The following DVL1 variants were observed in gnomAD, a reference collection of about 807,000 sequenced individuals.
The protein encoded by DVL1 is segment polarity protein dishevelled homolog DVL-1.
A neutral mutation model predicts 65.0 loss-of-function variants in DVL1; 49 were observed. That is an observed-to-expected ratio of 0.75 (90% CI 0.60 to 0.96). The LOEUF (loss-of-function observed/expected upper bound fraction) is 0.96, where lower values mean the gene tolerates loss of function less well. Among genes scored for constraint, DVL1 ranks in the 40% least tolerant of loss-of-function variants. The pLI is 0.00. For synonymous variants in DVL1, 608 were observed against 433.9 expected (o/e 1.40, Z -4.99); for missense variants, 1,197 against 1,045.4 (o/e 1.15, Z -2.00).
chr1:1,339,239 C>T (rs1383726659), intron 11 of DVL1, 48 bp downstream of exon 11: 1 of 1,546,922 alleles, frequency 6.5e-7, no homozygotes, highest in South Asian at 1.2e-5. Flanking sequence ...CAGAGACGCC[C>T]CCTCCAAGCC....
rs767693311 is a variant in DVL1 at position 1,338,080 on chromosome 1, G to A, written c.1611C>T (p.Gly537=). Residue 537 remains glycine, a synonymous_variant, in exon 14 of 15, where the codon GGC becomes GGT. Transcript: ENST00000378888. ...HPAAPWPLGQ[G]YPYQYPGPPP... The stretch of plus-strand genomic sequence containing the variant: ...GGGGTCCCGGGTACTGGTAGGGGTA[G>A]CCCTGACCCAGAGGCCAGGGGGCAG... 1 of 1,610,568 alleles carries A rather than the reference G, an allele frequency of 6.2e-7. No individual in the cohort carries two copies. Among genetic ancestry groups the A allele is most frequent in the Admixed American group, 1.7e-5 (1 of 59,852 alleles).
At chr1:1,344,818 G>A (rs1643893874) in intron 1 of DVL1, among the ~76,000 whole-genome samples, 1 of 152,164 alleles carries the variant, frequency 6.6e-6, no homozygotes, top group Non-Finnish European at 1.5e-5. Flanking sequence ...AGGGCCCACA[G>A]TGAGCCCTTG....
intron 2 of DVL1, 21 bp from the exon 3 acceptor site, chr1:1,342,505 C>T (rs753844493): frequency 1.2e-6 from 2 of 1,606,584 alleles, no homozygotes; most frequent in Admixed American, 3.4e-5. Flanking sequence ...AGCAGGCATG[C>T]TCAGGGGAGC....
chr1:1,342,420 A>G lies in DVL1; in HGVS notation c.305T>C (p.Leu102Pro). 2 of 1,595,378 alleles carry G rather than the reference A, an allele frequency of 1.3e-6. No homozygotes were observed. Among genetic ancestry groups the G allele is most frequent in the Non-Finnish European group, 1.7e-6 (2 of 1,171,148 alleles). ...GSQGTDSHTD[L>P]PPPLERTGGI... ...GCCTGTCCGCTCAAGAGGCGGGGGC[A>G]GGTCTGTGTGGCTGTCCGTGCCCTG... is the stretch of plus-strand genomic sequence containing the variant. Residue 102 changes from leucine to proline, a missense_variant, in exon 3 of 15, where the codon CTG (leucine) becomes CCG (proline). Leu to Pro is a moderately conservative substitution (Grantham distance 98). Coordinates refer to ENST00000378888, the MANE Select transcript of DVL1 (RefSeq NM_001330311.2).
intron 1 of DVL1, among the ~76,000 whole-genome samples, chr1:1,348,654 G>A (rs1408559445): frequency 1.3e-5 from 2 of 152,188 alleles, no homozygotes; most frequent in Non-Finnish European, 2.9e-5. Context: ...GCAGGACTCG[G>A]GGCCGGGAAG....
intron 5 of DVL1, among the ~76,000 whole-genome samples, chr1:1,340,886 C>T (rs922841554): frequency 1.4e-5 from 2 of 147,692 alleles, no homozygotes; most frequent in Admixed American, 6.8e-5. Flanking sequence ...CACATGCACA[C>T]CCCTGCACAC....
rs1436265238 is a variant in DVL1, at chr1:1,338,186, G to A, written c.1508-3C>T. 6.2e-7 allele frequency: 1 copy of A among 1,600,750 alleles called. No individual in the cohort carries two copies. Among genetic ancestry groups the A allele is most frequent in the South Asian group, 1.1e-5 (1 of 89,464 alleles). On this transcript the variant is annotated splice_polypyrimidine_tract_variant and splice_region_variant and intron_variant, in intron 13 of 14. Coordinates refer to ENST00000378888, the MANE Select transcript of DVL1 (RefSeq NM_001330311.2). ...GTTGAGGTTCAGGGTGGCGAGATCT[G>A]GCGGGGGAGGGTAGGTGAGGGCCGC...
rs1317444328 is a variant in DVL1 at position 1,349,256 on chromosome 1, G to T, written c.-191C>A. ...CGCCCCCGGCTCCCGCGCGCGTCCC[G>T]ACTGCTGCCCCGCGGCCCGCGGCCG... On this transcript the variant is annotated 5_prime_UTR_variant, in exon 1 of 15. Transcript: ENST00000378888. The surrounding 1 kb of genome is among the most constrained non-coding windows in gnomAD (Gnocchi z 4.1). 1.2e-5 allele frequency: 2 copies of T among 173,560 alleles called. No individual in the cohort carries two copies. Among genetic ancestry groups the T allele is most frequent in the South Asian group, 3.5e-4 (2 of 5,720 alleles). 10.8% of individuals were successfully genotyped at this position (173,560 alleles called of 1,614,324 possible).
At position 1,349,276 on chromosome 1, in the gene DVL1, C is replaced by T; in HGVS notation, c.-211G>A. 6.4e-6 allele frequency: 1 copy of T among 155,938 alleles called. No homozygotes were observed. The highest frequency in any genetic ancestry group is 1.3e-5 in the Non-Finnish European group (1 of 74,796). The allele number at this position is 155,938 out of a possible 1,614,324, so 9.7% of individuals were successfully genotyped here. ...GTCCCGACTGCTGCCCCGCGGCCCG[C>T]GGCCGCCCATCCGCCCCCGGCCCGG... On this transcript the variant is annotated 5_prime_UTR_variant, in exon 1 of 15. Coordinates refer to ENST00000378888, the MANE Select transcript of DVL1 (RefSeq NM_001330311.2). This position sits in a 1 kb window ranked among gnomAD's most constrained non-coding sequence, Gnocchi z 4.1.
At chr1:1,342,303 G>A in intron 3 of DVL1, 60 bp downstream of exon 3, 4 of 1,511,550 alleles carry the variant, frequency 2.6e-6, no homozygotes, top group South Asian at 1.2e-5. Context: ...CTCCCCTGTT[G>A]GCCAGCAACC....
intron 13 of DVL1, 40 bp downstream of exon 13, chr1:1,338,229 T>TGGCCCCCCCCCCCC: frequency 5.9e-6 from 9 of 1,522,338 alleles, no homozygotes; most frequent in Non-Finnish European, 8.1e-6. Context: ...CCTCCGGCGT[T>TGGCCCCCCCCCCCC]CCCCTCCCCC....
At chr1:1,340,557 G>A (rs940631028) in intron 5 of DVL1, 54 bp from the exon 6 acceptor site, 42 of 1,537,158 alleles carry the variant, frequency 2.7e-5, no homozygotes, top group Non-Finnish European at 3.7e-5. Flanking sequence ...TAGGGGGGTG[G>A]GAACCCGCTC....
At chr1:1,341,831 G>A in intron 4 of DVL1, 26 bp from the exon 5 acceptor site, 1 of 1,555,504 alleles carries the variant, frequency 6.4e-7, no homozygotes, top group South Asian at 1.2e-5. Context: ...GTTGGGAACT[G>A]ACTGCAGGGT....
chr1:1,339,584 C>A lies in DVL1; in HGVS notation c.1052G>T (p.Arg351Leu), dbSNP rs368319147. Residue 351 changes from arginine (R) to leucine (L), a missense_variant and splice_region_variant, in exon 10 of 15, where the codon CGG becomes CTG. By Grantham distance (102) the Arg-to-Leu change is moderately radical. Transcript: ENST00000378888. ...PTPRSYFTVPRADPVRPIDPA... is the reference protein window; with the variant it reads ...PTPRSYFTVPLADPVRPIDPA... Reference sequence around the variant, plus strand: ...CGTGTGCCCCGAGGGCCACTCACCCCGTGGGACGGTGAAGTAGCTTCGGGG... The same window carrying A: ...CGTGTGCCCCGAGGGCCACTCACCCAGTGGGACGGTGAAGTAGCTTCGGGG... 6.2e-7 allele frequency: 1 copy of A among 1,606,262 alleles called. No individual in the cohort carries two copies. Among genetic ancestry groups the A allele is most frequent in the African/African-American group, 1.3e-5 (1 of 74,932 alleles).
intron 1 of DVL1, among the ~76,000 whole-genome samples, chr1:1,346,326 G>T (rs1255206087): frequency 1.3e-5 from 2 of 152,190 alleles, no homozygotes; most frequent in African/African-American, 4.8e-5. Context: ...CCACCTCGGA[G>T]ATGAACTGTG....
At position 1,338,062 on chromosome 1, in the gene DVL1, C is replaced by G. The variant is rs1411518255; in HGVS notation, c.1629G>C (p.Pro543=). The G allele has an allele frequency of 6.2e-7, 1 of 1,610,958 alleles. No individual in the cohort carries two copies. Among genetic ancestry groups the G allele is most frequent in the South Asian group, 1.1e-5 (1 of 90,916 alleles). Residue 543 remains proline (P), a synonymous_variant, in exon 14 of 15, where the codon CCG becomes CCC. Coordinates refer to ENST00000378888, the MANE Select transcript of DVL1 (RefSeq NM_001330311.2). ...CAGGCGGGAAGCAGGGTGGGGGTCC[C>G]GGGTACTGGTAGGGGTAGCCCTGAC... ...PLGQGYPYQY[P]GPPPCFPPAY...
chr1:1,342,873 C>A (rs111609577), intron 1 of DVL1, 115 bp from the exon 2 acceptor site: 2 of 966,020 alleles, frequency 2.1e-6, no homozygotes, highest in African/African-American at 3.3e-5. Flanking sequence ...TCTGTGGACA[C>A]CCCTGCTAGC....
chr1:1,345,682 G>A (rs1458770064), intron 1 of DVL1, among the ~76,000 whole-genome samples: 2 of 152,190 alleles, frequency 1.3e-5, no homozygotes, highest in Non-Finnish European at 2.9e-5. Flanking sequence ...TGGCCACACA[G>A]GATGCAGAGA....
At position 1,342,429 on chromosome 1, in the gene DVL1, T is replaced by C; in HGVS notation, c.296A>G (p.His99Arg). 6.3e-7 allele frequency: 1 copy of C among 1,598,632 alleles called. No individual in the cohort carries two copies. The highest frequency in any genetic ancestry group is 8.5e-7 in the Non-Finnish European group (1 of 1,173,106). ...CTCAAGAGGCGGGGGCAGGTCTGTGTGGCTGTCCGTGCCCTGGGACCCCGC... is the reference window on the plus strand; with the variant it reads ...CTCAAGAGGCGGGGGCAGGTCTGTGCGGCTGTCCGTGCCCTGGGACCCCGC... The part of the protein sequence containing the change: ...SDAGSQGTDS[H>R]TDLPPPLERT... The change falls in exon 3 of 15, where the codon CAC becomes CGC. Residue 99 changes from histidine (H) to arginine (R), a missense_variant. By Grantham distance (29) the His-to-Arg change is conservative. Coordinates refer to ENST00000378888, the MANE Select transcript of DVL1 (RefSeq NM_001330311.2).
Sources: allele counts gnomAD v4.1 joint callset (sites outside exome capture counted in the v4.1 genomes callset), GRCh38; gene constraint gnomAD v4.1.1; non-coding constraint Gnocchi (gnomAD v3.1); transcripts MANE v1.5; gene names NCBI Gene and HGNC (gene_info 2026-07-23, HGNC 2026-07-21).